The following CDKL2 variants were observed in gnomAD, a reference collection of about 807,000 sequenced individuals.
CDKL2 encodes cyclin dependent kinase like 2.
Under a neutral mutation model 63.9 loss-of-function variants are expected in CDKL2, and 64 were observed. That is an observed-to-expected ratio of 1.00 (90% CI 0.82 to 1.23). CDKL2 has a LOEUF of 1.23. Ranked by LOEUF, CDKL2 falls within the 50% of genes most tolerant of loss-of-function variation. The pLI, the probability that CDKL2 is intolerant of heterozygous loss-of-function variation, is 0.00. For synonymous variants in CDKL2, 211 were observed against 229.2 expected, an observed-to-expected ratio of 0.92 and a Z score of 0.72; for missense variants, 656 against 668.0, an observed-to-expected ratio of 0.98 and a Z score of 0.20.
At chr4:75,608,164 G>T (rs184166763) in intron 3 of CDKL2, among the ~76,000 whole-genome samples, 109 of 94,712 alleles carry the variant, frequency 1.2e-3, no homozygotes, top group Admixed American at 6.2e-3. Flanking sequence ...TGCTCTTGTC[G>T]CCCAGGCTGG....
intron 10 of CDKL2, among the ~76,000 whole-genome samples, chr4:75,593,228 T>TA (rs1162609788): frequency 1.3e-5 from 2 of 151,016 alleles, no homozygotes; most frequent in Non-Finnish European, 3.0e-5. Flanking sequence ...ATAAAATAGT[T>TA]AAAGAAAACT....
chr4:75,602,715 G>A (rs559074725), intron 6 of CDKL2, among the ~76,000 whole-genome samples: 2 of 151,784 alleles, frequency 1.3e-5, no homozygotes, highest in South Asian at 4.2e-4. Flanking sequence ...ATAGAGATGG[G>A]GTTTTGCCAT....
intron 12 of CDKL2, among the ~76,000 whole-genome samples, chr4:75,586,248 TG>T (rs1728477124): frequency 6.7e-6 from 1 of 149,864 alleles, no homozygotes; most frequent in Non-Finnish European, 1.5e-5. Context: ...TTTTTTAAGA[TG>T]GAGTCTTGAT....
intron 1 of CDKL2, among the ~76,000 whole-genome samples, chr4:75,626,436 G>A (rs1242653703): frequency 6.6e-6 from 1 of 152,156 alleles, no homozygotes; most frequent in Non-Finnish European, 1.5e-5. Flanking sequence ...GGAGGCCAAG[G>A]TGGGCGGATC....
chr4:75,583,016 A>C (rs1175025611), intron 12 of CDKL2, among the ~76,000 whole-genome samples: 2 of 152,374 alleles, frequency 1.3e-5, no homozygotes, highest in East Asian at 3.9e-4. Flanking sequence ...AACATTTGTC[A>C]CCGTCAGACC....
chr4:75,608,350 C>G (rs899474075), intron 3 of CDKL2, among the ~76,000 whole-genome samples: 2 of 151,564 alleles, frequency 1.3e-5, no homozygotes. Flanking sequence ...GTCTCAAACT[C>G]CTGACCTCAG....
chr4:75,625,551 A>G (rs912852102), intron 2 of CDKL2, among the ~76,000 whole-genome samples: 1 of 152,218 alleles, frequency 6.6e-6, no homozygotes, highest in Non-Finnish European at 1.5e-5. Flanking sequence ...AAATAAGTAG[A>G]AAAAATGAAA....
chr4:75,593,321 A>C (rs1245484844), intron 10 of CDKL2, among the ~76,000 whole-genome samples: 1 of 151,110 alleles, frequency 6.6e-6, no homozygotes, highest in Non-Finnish European at 1.5e-5. Flanking sequence ...TAAAACATAT[A>C]TAATATATAA....
At chr4:75,620,928 A>ATAGC (rs2148910329) in intron 2 of CDKL2, among the ~76,000 whole-genome samples, 1 of 118,012 alleles carries the variant, frequency 8.5e-6, no homozygotes, top group East Asian at 2.6e-4. Flanking sequence ...AGCAACAATT[A>ATAGC]TAGCTGAGCA....
intron 2 of CDKL2, among the ~76,000 whole-genome samples, chr4:75,621,885 T>C (rs1360708771): frequency 6.6e-6 from 1 of 152,172 alleles, no homozygotes; most frequent in East Asian, 1.9e-4. Context: ...GAAAGGGTAA[T>C]ATTAGGTATA....
At chr4:75,601,242 T>C (rs1252515904) in intron 6 of CDKL2, among the ~76,000 whole-genome samples, 1 of 152,180 alleles carries the variant, frequency 6.6e-6, no homozygotes, top group African/African-American at 2.4e-5. Flanking sequence ...TTATTTGGAA[T>C]TTTTAAAACT....
intron 12 of CDKL2, among the ~76,000 whole-genome samples, chr4:75,591,536 G>A (rs1728715449): frequency 6.6e-6 from 1 of 152,166 alleles, no homozygotes; most frequent in Non-Finnish European, 1.5e-5. Context: ...GTTTGAAGCT[G>A]CAGTGAGCTG....
At chr4:75,604,053 G>T in intron 5 of CDKL2, 97 bp from the exon 6 acceptor site, 1 of 1,195,098 alleles carries the variant, frequency 8.4e-7, no homozygotes, top group Non-Finnish European at 1.2e-6. Flanking sequence ...GTGGAACACA[G>T]CTTATGGAGT....
In CDKL2 at chr4:75,607,450, A is replaced by G. The variant is rs1300590868; in HGVS notation, c.364-89T>C. The stretch of plus-strand genomic sequence containing the variant: ...GTGCAGGGCATTGTATGTTGTCCCT[A>G]TAAAGAATACAAACAAAAGCATAGA... On this transcript the variant is annotated intron_variant, in intron 3 of 13. Transcript: ENST00000307465. The G allele has an allele frequency of 1.1e-5, 11 of 964,458 alleles. 1 individual carries two copies. The Admixed American group carries it at 2.3e-4, about 20-fold the overall frequency. 59.7% of individuals were successfully genotyped at this position (964,458 alleles called of 1,614,324 possible). A position where few individuals can be genotyped will look rare whatever the true frequency, so the allele number is the denominator to read the frequency against.
chr4:75,587,398 G>A (rs1321083040), intron 12 of CDKL2, among the ~76,000 whole-genome samples: 1 of 152,172 alleles, frequency 6.6e-6, no homozygotes, highest in African/African-American at 2.4e-5. Context: ...AGGTTGCAGC[G>A]AGTTGAGATT....
In CDKL2 at chr4:75,577,587, A is replaced by G. The variant is rs951176072; in HGVS notation, c.*1615T>C. 3.3e-5 allele frequency among the ~76,000 whole-genome samples: 5 copies of G among 152,202 alleles called. No homozygotes were observed. Among genetic ancestry groups the G allele is most frequent in the Admixed American group, 6.5e-5 (1 of 15,280 alleles). On this transcript the variant is annotated 3_prime_UTR_variant, in exon 14 of 14. Transcript: ENST00000307465. ...TAGTATTGAAATAAGCCGAAGCGCC[A>G]TTTGGCTTTAAGTATTACCTGTTTG... is the stretch of plus-strand genomic sequence containing the variant.
At chr4:75,597,893 CA>C (rs1412270115) in intron 8 of CDKL2, among the ~76,000 whole-genome samples, 183 bp downstream of exon 8, 4 of 152,214 alleles carry the variant, frequency 2.6e-5, no homozygotes, top group East Asian at 3.9e-4. Context: ...AACAGGTACT[CA>C]AAACATGATA....
At chr4:75,595,761 C>A (rs978821073) in intron 10 of CDKL2, among the ~76,000 whole-genome samples, 4 of 151,882 alleles carry the variant, frequency 2.6e-5, no homozygotes, top group African/African-American at 9.7e-5. Context: ...GAAACCCTGT[C>A]TCTACTAAAA....
intron 2 of CDKL2, among the ~76,000 whole-genome samples, chr4:75,623,009 C>T (rs1240272821): frequency 6.6e-6 from 1 of 152,138 alleles, no homozygotes; most frequent in Non-Finnish European, 1.5e-5. Flanking sequence ...GCTGCAGTGG[C>T]TCACACCTGT....
Sources: allele counts gnomAD v4.1 joint callset (sites outside exome capture counted in the v4.1 genomes callset), GRCh38; gene constraint gnomAD v4.1.1; transcripts MANE v1.5; gene names NCBI Gene and HGNC (gene_info 2026-07-23, HGNC 2026-07-21).